The following IWS1 variants were observed in gnomAD, a reference collection of about 807,000 sequenced individuals.
The protein encoded by IWS1 is protein IWS1 homolog.
A neutral mutation model predicts 86.7 loss-of-function variants in IWS1; 27 were observed. The ratio of observed to expected loss-of-function variants is 0.31; its 90% confidence interval spans 0.23 to 0.43. IWS1 has a LOEUF of 0.43. Ranked by LOEUF, IWS1 falls within the 20% of genes least tolerant of loss-of-function variation. IWS1 has a pLI of 1.00. For synonymous variants in IWS1, 313 were observed against 335.1 expected (o/e 0.93, Z 0.72); for missense variants, 827 against 1,000.8 (o/e 0.83, Z 2.34).
Position 127,489,070 on chromosome 2 carries a change from A to C in IWS1, c.2216+109T>G. 1.4e-6 allele frequency: 1 copy of C among 739,860 alleles called. No homozygotes were observed. Among genetic ancestry groups the C allele is most frequent in the Non-Finnish European group, 2.3e-6 (1 of 434,154 alleles). The allele number at this position is 739,860 out of a possible 1,614,324, so 45.8% of individuals were successfully genotyped here. A position where few individuals can be genotyped will look rare whatever the true frequency, so the allele number is the denominator to read the frequency against. On this transcript the variant is annotated intron_variant, in intron 12 of 13. Coordinates refer to ENST00000295321, the MANE Select transcript of IWS1 (RefSeq NM_017969.3). The surrounding 1 kb of genome is among the most constrained non-coding windows in gnomAD (Gnocchi z 4.8). Reference sequence around the variant, plus strand: ...GATACTAAACGTTAAAATGAAAGTCACCTCCCACAAATGAGAGCATAACAT... The same window carrying C: ...GATACTAAACGTTAAAATGAAAGTCCCCTCCCACAAATGAGAGCATAACAT...
chr2:127,523,342 T>C (rs1198488515), intron 2 of IWS1, among the ~76,000 whole-genome samples: 49 of 152,210 alleles, frequency 3.2e-4, no homozygotes, highest in Admixed American at 2.9e-3. Context: ...TTTCTTCAGA[T>C]TGCAAATGCT....
At chr2:127,524,211 C>T (rs1309644166) in intron 1 of IWS1, among the ~76,000 whole-genome samples, 1 of 152,176 alleles carries the variant, frequency 6.6e-6, no homozygotes, top group African/African-American at 2.4e-5. Context: ...TGCTAAATCT[C>T]TGGAGCCCAG....
rs979389099 is a variant in IWS1 at position 127,504,807 on chromosome 2, C to G, written c.1096G>C (p.Glu366Gln). Residue 366 changes from glutamate to glutamine, a missense_variant, in exon 3 of 14, where the codon GAG (glutamate) becomes CAG (glutamine). This residue lies in a region of IWS1 where 548 missense variants were observed against 560.2 expected (regional missense o/e 0.98). Coordinates refer to ENST00000295321, the MANE Select transcript of IWS1 (RefSeq NM_017969.3). ...DRKKFHSSDS[E>Q]EEEHKKQKMD... ...TTTTGCTTTTTGTGTTCTTCCTCCT[C>G]ACTATCAGAACTGTGAAACTTTTTT... The G allele has an allele frequency of 6.2e-7, 1 of 1,614,172 alleles. No individual in the cohort carries two copies. The highest frequency in any genetic ancestry group is 8.5e-7 in the Non-Finnish European group (1 of 1,180,010).
At chr2:127,523,424 G>A (rs1692218000) in intron 2 of IWS1, among the ~76,000 whole-genome samples, 1 of 152,112 alleles carries the variant, frequency 6.6e-6, no homozygotes, top group Non-Finnish European at 1.5e-5. Flanking sequence ...CCCATTTTCT[G>A]AATCAATATG....
chr2:127,514,477 C>T (rs538673065), intron 2 of IWS1: 9 of 153,840 alleles, frequency 5.9e-5, no homozygotes, highest in Non-Finnish European at 8.8e-5. Context: ...AGCTGTAGTG[C>T]TTCTTGAGAG....
intron 2 of IWS1, among the ~76,000 whole-genome samples, chr2:127,510,149 ATT>A (rs999120404): frequency 6.6e-6 from 1 of 152,190 alleles, no homozygotes; most frequent in African/African-American, 2.4e-5. Context: ...CTATAGGACC[ATT>A]TTCAAAAACA....
At position 127,523,661 on chromosome 2, in the gene IWS1, T is replaced by C. The variant is rs980281896; in HGVS notation, c.150+15A>G. 28 of 1,547,560 alleles carry C rather than the reference T, an allele frequency of 1.8e-5. No individual in the cohort carries two copies. The highest frequency in any genetic ancestry group is 2.0e-5 in the Non-Finnish European group (22 of 1,123,700). ...CAAGGGAAAAGCCCTCCCAAAGATG[T>C]TGGTTAGCCAATACCTCTGAATGAC... On this transcript the variant is annotated intron_variant, in intron 2 of 13. Transcript: ENST00000295321.
At chr2:127,504,194 A>G (rs1485009742) in intron 3 of IWS1, among the ~76,000 whole-genome samples, 1 of 152,224 alleles carries the variant, frequency 6.6e-6, no homozygotes, top group African/African-American at 2.4e-5. Flanking sequence ...AACACTCTGG[A>G]GAGAGATGGT....
chr2:127,516,666 C>T (rs569098667), intron 2 of IWS1, among the ~76,000 whole-genome samples: 2 of 152,162 alleles, frequency 1.3e-5, no homozygotes, highest in East Asian at 1.9e-4. Context: ...AGGTATGAGG[C>T]GGGAAGACTC....
chr2:127,491,512 C>T (rs334155), intron 10 of IWS1, among the ~76,000 whole-genome samples: 22,087 of 151,988 alleles, frequency 0.15, 2,867 homozygotes, highest in African/African-American at 0.34. Context: ...GGCGCGATCT[C>T]GGCTCACTGC....
chr2:127,489,310 C>A lies in IWS1; in HGVS notation c.2160-75G>T. 1 of 1,020,360 alleles carries A rather than the reference C, an allele frequency of 9.8e-7. No individual in the cohort carries two copies. Among genetic ancestry groups the A allele is most frequent in the South Asian group, 1.4e-5 (1 of 71,830 alleles). 63.2% of individuals were successfully genotyped at this position (1,020,360 alleles called of 1,614,324 possible). A position where few individuals can be genotyped will look rare whatever the true frequency, so the allele number is the denominator to read the frequency against. On this transcript the variant is annotated intron_variant, in intron 11 of 13. Transcript: ENST00000295321. The surrounding 1 kb of genome is among the most constrained non-coding windows in gnomAD (Gnocchi z 4.8). ...CTCAGAAAAAGAGCAAACTAAAAATCAAACTTAGACCATAACTATTAATAG... is the reference window on the plus strand; with the variant it reads ...CTCAGAAAAAGAGCAAACTAAAAATAAAACTTAGACCATAACTATTAATAG...
At chr2:127,490,255 T>C (rs1690155277) in intron 10 of IWS1, among the ~76,000 whole-genome samples, 1 of 152,330 alleles carries the variant, frequency 6.6e-6, no homozygotes, top group East Asian at 1.9e-4. Flanking sequence ...AAAATTTTTA[T>C]TTATTTATTT....
intron 12 of IWS1, among the ~76,000 whole-genome samples, chr2:127,488,428 T>TCTCAGCA (rs1467942425): frequency 6.6e-6 from 1 of 152,224 alleles, no homozygotes; most frequent in Non-Finnish European, 1.5e-5. Flanking sequence ...ATAAACACTG[T>TCTCAGCA]CTCAGCACTC....
intron 10 of IWS1, among the ~76,000 whole-genome samples, chr2:127,490,548 C>T (rs1036306707): frequency 6.6e-6 from 1 of 152,140 alleles, no homozygotes; most frequent in African/African-American, 2.4e-5. Context: ...TAGCTTACTG[C>T]TACATTTAAT....
chr2:127,527,249 C>A (rs767531010), upstream of IWS1, among the ~76,000 whole-genome samples: 40 of 152,212 alleles, frequency 2.6e-4, no homozygotes, highest in Admixed American at 2.4e-3. Context: ...AGAGACCTTT[C>A]CCCTTTATTC....
Position 127,489,246 on chromosome 2 carries a change from A to C in IWS1, c.2160-11T>G, listed in dbSNP as rs761599366. 8 of 1,607,896 alleles carry C rather than the reference A, an allele frequency of 5.0e-6. No homozygotes were observed. Among genetic ancestry groups the C allele is most frequent in the Non-Finnish European group, 6.8e-6 (8 of 1,175,302 alleles). On this transcript the variant is annotated splice_polypyrimidine_tract_variant and intron_variant, in intron 11 of 13. Coordinates refer to ENST00000295321, the MANE Select transcript of IWS1 (RefSeq NM_017969.3). This position sits in a 1 kb window ranked among gnomAD's most constrained non-coding sequence, Gnocchi z 4.8. ...GTCTGACCACCAGTGCTGAAAAAAA[A>C]GTAAACAAGGAGATACCAGGAATAT... is the stretch of plus-strand genomic sequence containing the variant.
chr2:127,499,231 C>A lies in IWS1; in HGVS notation c.1468-994G>T, dbSNP rs376705779. Among the ~76,000 whole-genome samples, 1 of 151,960 alleles carries A rather than the reference C, an allele frequency of 6.6e-6. No homozygotes were observed. Among genetic ancestry groups the A allele is most frequent in the South Asian group, 2.1e-4 (1 of 4,826 alleles). ...TCAGCCTTCTGAGTAGCTGGGACTACAGGCGCCTGCCACCATGCCCAGCTA... is the reference window on the plus strand; with the variant it reads ...TCAGCCTTCTGAGTAGCTGGGACTAAAGGCGCCTGCCACCATGCCCAGCTA... On this transcript the variant is annotated intron_variant, in intron 5 of 13. Transcript: ENST00000295321. This position sits in a 1 kb window ranked among gnomAD's most constrained non-coding sequence, Gnocchi z 4.0.
intron 5 of IWS1, chr2:127,498,832 T>C (rs1012539652): frequency 6.6e-6 from 1 of 152,110 alleles, no homozygotes; most frequent in African/African-American, 2.4e-5. Context: ...AATCTCAGGG[T>C]AGGTTTATTT....
intron 2 of IWS1, among the ~76,000 whole-genome samples, chr2:127,517,198 C>A (rs1382535615): frequency 6.6e-6 from 1 of 152,188 alleles, no homozygotes; most frequent in African/African-American, 2.4e-5. Context: ...AGATTCGGTG[C>A]AATCCCCCAT....
Sources: allele counts gnomAD v4.1 joint callset (sites outside exome capture counted in the v4.1 genomes callset), GRCh38; gene constraint gnomAD v4.1.1; regional missense constraint gnomAD v4.1.1; non-coding constraint Gnocchi (gnomAD v3.1); transcripts MANE v1.5; gene names NCBI Gene and HGNC (gene_info 2026-07-23, HGNC 2026-07-21).